Variants in LMOD3 observed in about 807,000 individuals in gnomAD.
The protein encoded by LMOD3 is leiomodin 3, also known as leiomodin-3.
LMOD3 carries 31 observed loss-of-function variants against 41.8 expected under a neutral mutation model. That is an observed-to-expected ratio of 0.74 (90% confidence interval 0.56 to 1.00). LMOD3 has a LOEUF of 1.00. LMOD3 is among the 50% of genes least tolerant of loss of function. The probability of loss-of-function intolerance (pLI) is 0.00; values close to 1 mark genes in which losing one functional copy is unlikely to be tolerated. For synonymous variants in LMOD3, 292 were observed against 241.9 expected (o/e 1.21, Z -1.92); for missense variants, 755 against 679.5 (o/e 1.11, Z -1.23).
chr3:69,115,009 G>C (rs2092365031), intron 2 of LMOD3, among the ~76,000 whole-genome samples: 1 of 152,098 alleles, frequency 6.6e-6, no homozygotes, highest in Admixed American at 6.6e-5. Flanking sequence ...GGTACCACAG[G>C]TGCATGCCAT....
rs1372691091 is a variant in LMOD3 at position 69,118,687 on chromosome 3, C to T, written c.1656+12G>A. ...GGGTGCTCAGTCACCATTTCTCCCT[C>T]CTTCTACTTACAGGTTTAAGATAGG... On this transcript the variant is annotated intron_variant, in intron 2 of 2. Transcript: ENST00000420581. 2 of 1,603,444 alleles carry T rather than the reference C, an allele frequency of 1.2e-6. No homozygotes were observed. Among genetic ancestry groups the T allele is most frequent in the Non-Finnish European group, 1.7e-6 (2 of 1,173,846 alleles).
rs2092400415 is a variant in LMOD3, at chr3:69,120,072, GT to G, written c.295-13del. 1 of 1,581,528 alleles carries G rather than the reference GT, an allele frequency of 6.3e-7. No individual in the cohort carries two copies. The highest frequency in any genetic ancestry group is 1.4e-5 in the African/African-American group (1 of 73,018). Reference sequence around the variant, plus strand: ...TCTTGAGTCTTTTCCTACAAGAGAGGTTTATGAGGGTTAGAATACATAGCAG... The same window carrying G: ...TCTTGAGTCTTTTCCTACAAGAGAGGTTATGAGGGTTAGAATACATAGCAG... On this transcript the variant is annotated splice_polypyrimidine_tract_variant and intron_variant, in intron 1 of 2. Transcript: ENST00000420581.
At position 69,118,940 on chromosome 3, in the gene LMOD3, G is replaced by T. The variant is rs771791740; in HGVS notation, c.1415C>A (p.Pro472Gln). The T allele has an allele frequency of 5.4e-5, 87 of 1,612,622 alleles. No homozygotes were observed. The highest frequency in any genetic ancestry group is 7.0e-5 in the Non-Finnish European group (82 of 1,179,698). Residue 472 changes from proline to glutamine, a missense_variant, in exon 2 of 3, where the codon CCA becomes CAA. Transcript: ENST00000420581. ...FSQRSEMMKK[P>Q]SQAPKYRTDP... ...TGTCCTGTACTTCGGGGCCTGCGAT[G>T]GCTTTTTCATCATTTCACTGCGTTG...
chr3:69,111,639 A>G (rs2092350716), intron 2 of LMOD3, among the ~76,000 whole-genome samples: 1 of 152,214 alleles, frequency 6.6e-6, no homozygotes, highest in African/African-American at 2.4e-5. Context: ...GCAGTGGTGC[A>G]ATGATAACTC....
chr3:69,119,392 G>A lies in LMOD3; in HGVS notation c.963C>T (p.Phe321=). 1 of 1,613,972 alleles carries A rather than the reference G, an allele frequency of 6.2e-7. No homozygotes were observed. The highest frequency in any genetic ancestry group is 8.5e-7 in the Non-Finnish European group (1 of 1,179,890). Residue 321 remains phenylalanine, a synonymous_variant, in exon 2 of 3, where the codon TTC becomes TTT. Transcript: ENST00000420581. ...TGGCCACAATCCCTTTACCTGTGAT[G>A]AAATTGGACTCGATGTTGAGAGTGG... ...SITTLNIESN[F]ITGKGIVAIM...
Position 69,120,152 on chromosome 3 carries a change from T to A in LMOD3, c.295-92A>T. On this transcript the variant is annotated intron_variant, in intron 1 of 2. Coordinates refer to ENST00000420581, the MANE Select transcript of LMOD3 (RefSeq NM_198271.5). ...AGTGGAGATAATAAAAATGCTTATTTAAAAGAGCTGGTTGCTATTTTAAAT... is the reference window on the plus strand; with the variant it reads ...AGTGGAGATAATAAAAATGCTTATTAAAAAGAGCTGGTTGCTATTTTAAAT... 4 of 1,377,234 alleles carry A rather than the reference T, an allele frequency of 2.9e-6. No individual in the cohort carries two copies. In the South Asian group the frequency reaches 7.2e-5, roughly 25 times the overall value. The allele number at this position is 1,377,234 out of a possible 1,614,324, so 85.3% of individuals were successfully genotyped here.
chr3:69,113,134 CGAAG>C (rs1418966857), intron 2 of LMOD3, among the ~76,000 whole-genome samples: 2 of 151,662 alleles, frequency 1.3e-5, no homozygotes, highest in African/African-American at 4.8e-5. Flanking sequence ...GAGGAGGGGT[CGAAG>C]GAAGAAAAAG....
rs1229878652 is a variant in LMOD3, at chr3:69,119,249, G to A, written c.1106C>T (p.Thr369Ile). 3 of 1,613,838 alleles carry A rather than the reference G, an allele frequency of 1.9e-6. No individual in the cohort carries two copies. Among genetic ancestry groups the A allele is most frequent in the African/African-American group, 2.7e-5 (2 of 74,924 alleles). ...EIARLLKANN[T>I]LLKMGYHFEL... ...AAAATGGTAGCCCATCTTCAGGAGA[G>A]TGTTGTTTGCCTTCAAAAGCCTGGC... The change falls in exon 2 of 3, where the codon ACT (threonine) becomes ATT (isoleucine). Residue 369 changes from threonine to isoleucine, a missense_variant. Thr to Ile is a moderately conservative substitution (Grantham distance 89, BLOSUM62 -1). Coordinates refer to ENST00000420581, the MANE Select transcript of LMOD3 (RefSeq NM_198271.5).
At chr3:69,112,089 A>G (rs952004188) in intron 2 of LMOD3, among the ~76,000 whole-genome samples, 8 of 152,236 alleles carry the variant, frequency 5.3e-5, no homozygotes, top group Non-Finnish European at 1.0e-4. Context: ...ATAGCTAGAT[A>G]TGATGTCATA....
chr3:69,108,433 T>G lies in LMOD3; in HGVS notation c.*662A>C, dbSNP rs1424254058. The G allele has an allele frequency of 6.6e-6, 1 of 152,214 alleles. No homozygotes were observed. Among genetic ancestry groups the G allele is most frequent in the Non-Finnish European group, 1.5e-5 (1 of 68,052 alleles). 9.4% of individuals were successfully genotyped at this position (152,214 alleles called of 1,614,324 possible). ...TCCTAGTGACACTTAGTTTTCACCA[T>G]GTTCTGTGGCTTACGTGTTCTGCCC... On this transcript the variant is annotated 3_prime_UTR_variant, in exon 3 of 3. Transcript: ENST00000420581.
rs1286766855 is a variant in LMOD3 at position 69,119,166 on chromosome 3, G to A, written c.1189C>T (p.Gln397Ter). Residue 397 changes from glutamine (Q) to a stop codon, truncating the protein, a stop_gained, in exon 2 of 3, where the codon CAA becomes TAA. Coordinates refer to ENST00000420581, the MANE Select transcript of LMOD3 (RefSeq NM_198271.5). LOFTEE classifies it high-confidence loss of function. ...TNLLTRNQDKQRQKRQEEQKQ... is the reference protein window; with the variant it reads ...TNLLTRNQDK ...TGCTCTTCCTGTCGTTTCTGCCTTT[G>A]TTTATCCTGATTCCTGGTGAGCAGA... 5.0e-6 allele frequency: 8 copies of A among 1,613,538 alleles called. No homozygotes were observed. Among genetic ancestry groups the A allele is most frequent in the Non-Finnish European group, 5.9e-6 (7 of 1,179,816 alleles).
chr3:69,106,607 A>AT lies in LMOD3; in HGVS notation c.*2487dup, dbSNP rs1296661723. Among the ~76,000 whole-genome samples the AT allele has an allele frequency of 6.6e-6, 1 of 152,118 alleles. No individual in the cohort carries two copies. On this transcript the variant is annotated 3_prime_UTR_variant, in exon 3 of 3. Coordinates refer to ENST00000420581, the MANE Select transcript of LMOD3 (RefSeq NM_198271.5). ...CATCTTTTCTTCTTGTATATCTAAG[A>AT]TAAAAACCCTCTTACTGTGCATTTT...
chr3:69,106,468 C>G lies in LMOD3; in HGVS notation c.*2627G>C, dbSNP rs1042946649. 7.9e-5 allele frequency among the ~76,000 whole-genome samples: 12 copies of G among 152,050 alleles called. No homozygotes were observed. The highest frequency in any genetic ancestry group is 1.6e-4 in the Non-Finnish European group (11 of 68,002). On this transcript the variant is annotated 3_prime_UTR_variant, in exon 3 of 3. Coordinates refer to ENST00000420581, the MANE Select transcript of LMOD3 (RefSeq NM_198271.5). ...AATTATGATTACATTTAAAAACAAG[C>G]TAAAATCTGCAACTAAGATCTTTAG...
chr3:69,118,219 A>C (rs2092385939), intron 2 of LMOD3, among the ~76,000 whole-genome samples: 1 of 152,166 alleles, frequency 6.6e-6, no homozygotes, highest in East Asian at 1.9e-4. Context: ...TCTTTTGAAT[A>C]TGCACTTGAA....
chr3:69,118,515 G>T (rs1047458331), intron 2 of LMOD3, among the ~76,000 whole-genome samples, 184 bp downstream of exon 2: 2 of 152,042 alleles, frequency 1.3e-5, no homozygotes, highest in African/African-American at 2.4e-5. Context: ...CCTAGAGATG[G>T]GGTGCTACAG....
Position 69,119,617 on chromosome 3 carries a change from C to T in LMOD3, c.738G>A (p.Arg246=), listed in dbSNP as rs756673614. 2 of 1,613,824 alleles carry T rather than the reference C, an allele frequency of 1.2e-6. No homozygotes were observed. The highest frequency in any genetic ancestry group is 1.1e-5 in the South Asian group (1 of 91,080). Residue 246 remains arginine (R), a synonymous_variant, in exon 2 of 3, where the codon AGG becomes AGA. Transcript: ENST00000420581. ...TGTCAGGATCATTTTTCCTAACTCT[C>T]CTCAAGCTCCCATCCAGGTCTGTCT... ...GNQTDLDGSL[R]RVRKNDPDMK... is the part of the protein sequence containing the mutation.
At chr3:69,113,518 A>G (rs1045630427) in intron 2 of LMOD3, among the ~76,000 whole-genome samples, 18 of 152,250 alleles carry the variant, frequency 1.2e-4, no homozygotes, top group Non-Finnish European at 2.5e-4. Context: ...TTCTGTAATC[A>G]TAACAACCCC....
intron 2 of LMOD3, among the ~76,000 whole-genome samples, chr3:69,111,210 C>T (rs535663081): frequency 1.3e-5 from 2 of 152,220 alleles, no homozygotes; most frequent in East Asian, 1.9e-4. Context: ...AGTTCTCAGC[C>T]CACGATCTTT....
chr3:69,110,862 A>C (rs2092347156), intron 2 of LMOD3, among the ~76,000 whole-genome samples: 1 of 138,338 alleles, frequency 7.2e-6, no homozygotes, highest in African/African-American at 2.8e-5. Flanking sequence ...AAATATATAT[A>C]TATATATATA....
Sources: gnomAD v4.1 joint callset for allele counts (sites outside exome capture counted in the v4.1 genomes callset) on GRCh38, gnomAD v4.1.1 for gene constraint, MANE v1.5 for transcripts, NCBI Gene and HGNC (gene_info 2026-07-23, HGNC 2026-07-21) for gene names.